SOS1: variants seen among roughly 807,000 people sequenced by gnomAD.
SOS1 encodes son of sevenless homolog 1.
Under a neutral mutation model 157.6 loss-of-function variants are expected in SOS1, and 25 were observed. The observed-to-expected ratio is 0.16, with a 90% CI of 0.12 to 0.22. SOS1 has a LOEUF of 0.22. Among genes scored for constraint, SOS1 ranks in the 10% least tolerant of loss-of-function variants. The probability of loss-of-function intolerance (pLI) is 1.00; values close to 1 mark genes in which losing one functional copy is unlikely to be tolerated. For missense variants in SOS1, 1,237 were observed against 1,599.1 expected (o/e 0.77, Z 3.86); for synonymous variants, 528 against 534.0 (o/e 0.99, Z 0.16).
chr2:39,005,480 T>C (rs1669254212), intron 17 of SOS1, among the ~76,000 whole-genome samples: 1 of 152,076 alleles, frequency 6.6e-6, no homozygotes, highest in Non-Finnish European at 1.5e-5. Flanking sequence ...CCATTATAAA[T>C]AATTAAGATT....
intron 6 of SOS1, among the ~76,000 whole-genome samples, chr2:39,049,064 T>A (rs914327671): frequency 6.6e-6 from 1 of 151,972 alleles, no homozygotes; most frequent in African/African-American, 2.4e-5. Flanking sequence ...ATTACAGACA[T>A]GTACCACCAC....
At chr2:39,121,866 C>A (rs1004146901), upstream of SOS1, among the ~76,000 whole-genome samples, 1 of 152,194 alleles carries the variant, frequency 6.6e-6, no homozygotes, top group Admixed American at 6.5e-5. Flanking sequence ...ATAATAGGGG[C>A]ACTTTGTGGC....
At chr2:38,989,617 G>A (rs975354589) in intron 20 of SOS1, among the ~76,000 whole-genome samples, 12 of 152,052 alleles carry the variant, frequency 7.9e-5, no homozygotes, top group Non-Finnish European at 1.8e-4. Context: ...CAAGCAAAAA[G>A]TTCAGCTGGA....
rs925708556 is a variant in SOS1 at position 38,983,135 on chromosome 2, G to A, written c.*2689C>T. The A allele has an allele frequency of 6.6e-6, 1 of 152,110 alleles. No homozygotes were observed. The highest frequency in any genetic ancestry group is 2.4e-5 in the African/African-American group (1 of 41,418). 9.4% of individuals were successfully genotyped at this position (152,110 alleles called of 1,614,324 possible). A position where few individuals can be genotyped will look rare whatever the true frequency, so the allele number is the denominator to read the frequency against. On this transcript the variant is annotated 3_prime_UTR_variant, in exon 23 of 23. Coordinates refer to ENST00000402219, the MANE Select transcript of SOS1 (RefSeq NM_005633.4). ...AGAAATGTTCCACATTTTGGAATGT[G>A]GTTAACAAAAAGTCATGCTGCATTT... is the stretch of plus-strand genomic sequence containing the variant.
chr2:39,073,160 T>G (rs1186755605), intron 1 of SOS1, among the ~76,000 whole-genome samples: 1 of 152,226 alleles, frequency 6.6e-6, no homozygotes, highest in African/African-American at 2.4e-5. Flanking sequence ...GTTATTTAAC[T>G]CTATACAGAA....
At chr2:39,046,026 A>T (rs1167731163) in intron 6 of SOS1, among the ~76,000 whole-genome samples, 1 of 152,184 alleles carries the variant, frequency 6.6e-6, no homozygotes, top group Non-Finnish European at 1.5e-5. Flanking sequence ...GTGAATTTTT[A>T]AAAATCAAAT....
chr2:39,054,119 G>C (rs1322937894), intron 5 of SOS1, among the ~76,000 whole-genome samples: 3 of 152,098 alleles, frequency 2.0e-5, no homozygotes, highest in African/African-American at 7.2e-5. Flanking sequence ...AGTAGAGATG[G>C]GGTTTCACCG....
chr2:39,006,867 T>G (rs1358225280), intron 16 of SOS1, among the ~76,000 whole-genome samples, 164 bp downstream of exon 16: 1 of 152,198 alleles, frequency 6.6e-6, no homozygotes, highest in Non-Finnish European at 1.5e-5. Flanking sequence ...TGCTTAAATT[T>G]TAAAAAGCAA....
Position 39,014,781 on chromosome 2 carries a change from T to G in SOS1, c.1924A>C (p.Ser642Arg). 1 of 1,564,224 alleles carries G rather than the reference T, an allele frequency of 6.4e-7. No individual in the cohort carries two copies. The highest frequency in any genetic ancestry group is 8.8e-7 in the Non-Finnish European group (1 of 1,135,444). The change falls in exon 11 of 23, where the codon AGT (serine) becomes CGT (arginine). Residue 642 changes from serine to arginine, a missense_variant. Transcript: ENST00000402219. ...RSFCKPQELL[S>R]LIIERFEIPE... ...TGGACAGACCTTTCTATTATAAGAC[T>G]CAGTAGTTCTTGAGGTTTGCAAAAG...
At position 38,983,442 on chromosome 2, in the gene SOS1, A is replaced by G. The variant is rs553539842; in HGVS notation, c.*2382T>C. On this transcript the variant is annotated 3_prime_UTR_variant, in exon 23 of 23. Transcript: ENST00000402219. The stretch of plus-strand genomic sequence containing the variant: ...ATATCCTCCATCCACAATGCATGTA[A>G]AACTGTTGCACAGTGAAGTGGTCTC... The G allele has an allele frequency of 1.4e-4, 22 of 152,306 alleles. No individual in the cohort carries two copies. Among genetic ancestry groups the G allele is most frequent in the African/African-American group, 5.3e-4 (22 of 41,576 alleles). The allele number at this position is 152,306 out of a possible 1,614,324, so 9.4% of individuals were successfully genotyped here.
chr2:38,990,327 C>T (rs1019282811), intron 20 of SOS1, among the ~76,000 whole-genome samples: 2 of 152,026 alleles, frequency 1.3e-5, no homozygotes, highest in Admixed American at 6.6e-5. Flanking sequence ...TCCGTATGTA[C>T]TGATATTTAT....
rs574307611 is a variant in SOS1, at chr2:39,120,497, C to T, written c.-75G>A. On this transcript the variant is annotated 5_prime_UTR_variant, in exon 1 of 23. Transcript: ENST00000402219. ...CCAGGGAGCCGCGAGAGGGCGAGCT[C>T]GCAGCGCGGAACAGGGCCGCGGCCC... 1 of 1,375,572 alleles carries T rather than the reference C, an allele frequency of 7.3e-7. No individual in the cohort carries two copies. The highest frequency in any genetic ancestry group is 2.9e-5 in the Admixed American group (1 of 34,524). 85.2% of individuals were successfully genotyped at this position (1,375,572 alleles called of 1,614,324 possible). A position where few individuals can be genotyped will look rare whatever the true frequency, so the allele number is the denominator to read the frequency against.
intron 8 of SOS1, 82 bp from the exon 9 acceptor site, chr2:39,024,219 A>G: frequency 4.7e-6 from 5 of 1,071,914 alleles, no homozygotes; most frequent in Non-Finnish European, 1.3e-6. Flanking sequence ...GATAAAAATA[A>G]CATTTATTCA....
intron 1 of SOS1, among the ~76,000 whole-genome samples, chr2:39,074,506 A>G (rs936135335): frequency 1.3e-5 from 2 of 152,050 alleles, no homozygotes; most frequent in Non-Finnish European, 2.9e-5. Context: ...AGAGCAAAAG[A>G]CAAAAAAAAG....
chr2:39,046,956 T>TA (rs1486960154), intron 6 of SOS1, among the ~76,000 whole-genome samples: 1 of 152,224 alleles, frequency 6.6e-6, no homozygotes, highest in African/African-American at 2.4e-5. Flanking sequence ...AAATGGTTTT[T>TA]ATTCCTCACT....
intron 2 of SOS1, among the ~76,000 whole-genome samples, chr2:39,059,389 AT>A (rs1305167221): frequency 6.6e-6 from 1 of 152,208 alleles, no homozygotes; most frequent in Non-Finnish European, 1.5e-5. Context: ...ATTTCCAGAA[AT>A]TCTTTAGTTA....
At chr2:39,075,907 A>G (rs1671955529) in intron 1 of SOS1, among the ~76,000 whole-genome samples, 1 of 152,198 alleles carries the variant, frequency 6.6e-6, no homozygotes, top group African/African-American at 2.4e-5. Context: ...AAAAAGAAAT[A>G]AAACATTTCT....
chr2:39,021,326 T>C lies in SOS1; in HGVS notation c.1858+1244A>G, dbSNP rs555861611. On this transcript the variant is annotated intron_variant, in intron 10 of 22. Transcript: ENST00000402219. ...AAGGGACAGTTCCCCAGACAATAGT[T>C]GTAACCATTCTTCAGCTGCTTATTA... Among the ~76,000 whole-genome samples the C allele has an allele frequency of 2.1e-3, 313 of 151,714 alleles. 3 individuals carry two copies. Among genetic ancestry groups the C allele is most frequent in the African/African-American group, 7.0e-3 (289 of 41,530 alleles).
At chr2:38,998,295 G>A (rs1668970206) in intron 17 of SOS1, among the ~76,000 whole-genome samples, 1 of 151,856 alleles carries the variant, frequency 6.6e-6, no homozygotes. Context: ...TGTCTCCCAG[G>A]CTAGAGTGCA....
Sources: allele counts gnomAD v4.1 joint callset (sites outside exome capture counted in the v4.1 genomes callset), GRCh38; gene constraint gnomAD v4.1.1; transcripts MANE v1.5; gene names NCBI Gene and HGNC (gene_info 2026-07-23, HGNC 2026-07-21).